Variants in CLSTN1 observed in about 807,000 individuals in gnomAD.
CLSTN1 encodes the protein calsyntenin-1.
A neutral mutation model predicts 108.3 loss-of-function variants in CLSTN1; 28 were observed. That is an observed-to-expected ratio of 0.26 (90% confidence interval 0.19 to 0.35). The LOEUF (loss-of-function observed/expected upper bound fraction) is 0.35. CLSTN1 is among the 10% of genes least tolerant of loss of function. The pLI is 1.00. For synonymous variants in CLSTN1, 524 were observed against 534.9 expected, an observed-to-expected ratio of 0.98 and a Z score of 0.28; for missense variants, 1,157 against 1,302.6, an observed-to-expected ratio of 0.89 and a Z score of 1.72.
At chr1:9,819,394 A>G (rs1171090969) in intron 1 of CLSTN1, among the ~76,000 whole-genome samples, 4 of 152,196 alleles carry the variant, frequency 2.6e-5, no homozygotes, top group Admixed American at 2.6e-4. Context: ...AGCTTCACTA[A>G]GTCCTGCAGC....
intron 4 of CLSTN1, among the ~76,000 whole-genome samples, chr1:9,753,867 C>T (rs1006695958): frequency 9.2e-5 from 14 of 151,856 alleles, no homozygotes; most frequent in African/African-American, 3.4e-4. Context: ...GACTGGAGTA[C>T]AGTGGCACAA....
chr1:9,799,982 C>T (rs115395948), intron 1 of CLSTN1, among the ~76,000 whole-genome samples: 82 of 151,984 alleles, frequency 5.4e-4, no homozygotes, highest in Non-Finnish European at 9.0e-4. Flanking sequence ...AAATGTAACA[C>T]GTGGATCAAC....
At chr1:9,808,403 T>C (rs1178769317) in intron 1 of CLSTN1, among the ~76,000 whole-genome samples, 1 of 152,238 alleles carries the variant, frequency 6.6e-6, no homozygotes, top group Admixed American at 6.5e-5. Context: ...AGGTTAAATA[T>C]GTTTCTGACA....
intron 2 of CLSTN1, among the ~76,000 whole-genome samples, chr1:9,763,541 A>G (rs1652185658): frequency 6.6e-6 from 1 of 152,080 alleles, no homozygotes; most frequent in African/African-American, 2.4e-5. Flanking sequence ...GGGTTTGCAA[A>G]CCTAGCTGGC....
intron 1 of CLSTN1, among the ~76,000 whole-genome samples, chr1:9,799,686 T>C (rs1468549036): frequency 4.7e-5 from 7 of 149,064 alleles, no homozygotes; most frequent in African/African-American, 1.7e-4. Context: ...CTCACGCCTG[T>C]AATCCCATCA....
chr1:9,756,267 A>G (rs1422331171), intron 3 of CLSTN1, among the ~76,000 whole-genome samples: 1 of 152,282 alleles, frequency 6.6e-6, no homozygotes, highest in Non-Finnish European at 1.5e-5. Flanking sequence ...TTATCCATAC[A>G]GTTCAAATGG....
chr1:9,806,772 G>A (rs1204745406), intron 1 of CLSTN1, among the ~76,000 whole-genome samples: 1 of 151,894 alleles, frequency 6.6e-6, no homozygotes, highest in African/African-American at 2.4e-5. Context: ...CCAGCTACTC[G>A]GGAGGCTGAG....
At position 9,744,403 on chromosome 1, in the gene CLSTN1, T is replaced by A; in HGVS notation, c.1226A>T (p.Asp409Val). ...RKKETILCSS[D>V]KTDMNRHHYS... ...CAGAGCTATTACCCTACCTGTTTTATCAGAACTGCAAAGAATTGTCTCCTT... is the reference window on the plus strand; with the variant it reads ...CAGAGCTATTACCCTACCTGTTTTAACAGAACTGCAAAGAATTGTCTCCTT... Residue 409 changes from aspartate (D) to valine (V), a missense_variant, in exon 8 of 19, where the codon GAT becomes GTT. Physicochemically the swap from Asp to Val is radical, Grantham distance 152 (BLOSUM62 -3). Transcript: ENST00000377298. 1 of 1,609,016 alleles carries A rather than the reference T, an allele frequency of 6.2e-7. No homozygotes were observed. The highest frequency in any genetic ancestry group is 8.5e-7 in the Non-Finnish European group (1 of 1,179,096).
intron 10 of CLSTN1, 110 bp downstream of exon 10, chr1:9,740,984 C>T: frequency 1.6e-6 from 2 of 1,212,502 alleles, no homozygotes; most frequent in Non-Finnish European, 2.3e-6. Context: ...GGAAAAGATC[C>T]AGGACACGAG....
At chr1:9,814,620 G>A (rs182068478) in intron 1 of CLSTN1, among the ~76,000 whole-genome samples, 795 of 152,274 alleles carry the variant, frequency 5.2e-3, no homozygotes, top group South Asian at 9.1e-3. Flanking sequence ...AATGAATGAA[G>A]AAATGTCAGC....
chr1:9,821,293 C>T (rs1485925680), intron 1 of CLSTN1, among the ~76,000 whole-genome samples: 1 of 152,200 alleles, frequency 6.6e-6, no homozygotes, highest in Non-Finnish European at 1.5e-5. Context: ...CCAGTACACC[C>T]AGCTAATTTT....
chr1:9,807,019 G>C (rs1005911448), intron 1 of CLSTN1, among the ~76,000 whole-genome samples: 1 of 151,900 alleles, frequency 6.6e-6, no homozygotes, highest in Admixed American at 6.6e-5. Context: ...CGTGGGGGGG[G>C]GTCTGGAGCA....
chr1:9,784,089 C>T (rs1653369730), intron 1 of CLSTN1, among the ~76,000 whole-genome samples: 1 of 148,988 alleles, frequency 6.7e-6, no homozygotes, highest in African/African-American at 2.5e-5. Flanking sequence ...GGAGAATTGC[C>T]TGAACCAGGG....
intron 1 of CLSTN1, among the ~76,000 whole-genome samples, chr1:9,795,204 C>T (rs1455084353): frequency 6.8e-6 from 1 of 146,818 alleles, no homozygotes; most frequent in Non-Finnish European, 1.5e-5. Context: ...TCGTTCTTGT[C>T]GCCCAGGCTG....
intron 1 of CLSTN1, among the ~76,000 whole-genome samples, chr1:9,788,438 G>A (rs538881387): frequency 6.6e-6 from 1 of 151,156 alleles, no homozygotes; most frequent in African/African-American, 2.4e-5. Context: ...GGGCATGGTA[G>A]TCCATGCTAA....
At chr1:9,813,468 T>C (rs1429615118) in intron 1 of CLSTN1, among the ~76,000 whole-genome samples, 2 of 147,250 alleles carry the variant, frequency 1.4e-5, no homozygotes, top group Non-Finnish European at 3.0e-5. Flanking sequence ...CTCTGCACTC[T>C]AGCCTGGGCA....
chr1:9,748,203 A>C (rs185847814), intron 7 of CLSTN1, among the ~76,000 whole-genome samples: 2 of 152,302 alleles, frequency 1.3e-5, no homozygotes, highest in East Asian at 3.9e-4. Flanking sequence ...TGCTTCATTT[A>C]GTGGGATTTT....
At chr1:9,746,093 C>G (rs111414358) in intron 7 of CLSTN1, among the ~76,000 whole-genome samples, 1 of 152,038 alleles carries the variant, frequency 6.6e-6, no homozygotes, top group Non-Finnish European at 1.5e-5. Flanking sequence ...TGTACAGATA[C>G]AGCATCACCT....
intron 1 of CLSTN1, among the ~76,000 whole-genome samples, chr1:9,816,279 T>C (rs972770843): frequency 6.6e-5 from 10 of 152,130 alleles, no homozygotes; most frequent in African/African-American, 2.4e-4. Context: ...TATGATTCCA[T>C]TGATGTGAAA....
Sources: gnomAD v4.1 joint callset for allele counts (sites outside exome capture counted in the v4.1 genomes callset) on GRCh38, gnomAD v4.1.1 for gene constraint, MANE v1.5 for transcripts, NCBI Gene and HGNC (gene_info 2026-07-23, HGNC 2026-07-21) for gene names.